Variants in KCNMA1 observed in about 807,000 individuals in gnomAD.
The protein encoded by KCNMA1 is potassium calcium-activated channel subfamily M alpha 1, also known as Calcium-activated potassium channel subunit alpha-1.
A neutral mutation model predicts 140.0 loss-of-function variants in KCNMA1; 29 were observed. The ratio of observed to expected loss-of-function variants is 0.21; its 90% CI spans 0.15 to 0.28. KCNMA1 has a LOEUF of 0.28. KCNMA1 is among the 10% of genes least tolerant of loss of function. The pLI, the probability that KCNMA1 is intolerant of heterozygous loss-of-function variation, is 1.00. For missense variants in KCNMA1, 880 were observed against 1,602.2 expected (o/e 0.55, Z 7.70); for synonymous variants, 612 against 611.9 (o/e 1.00, Z 0.00).
chr10:77,324,971 CTGTG>C (rs144907110), intron 2 of KCNMA1, among the ~76,000 whole-genome samples: 177 of 90,376 alleles, frequency 2.0e-3, no homozygotes, highest in South Asian at 5.3e-3. Context: ...CTCTCTCTCT[CTGTG>C]TGTGTGTGTG....
chr10:77,402,323 C>T (rs1475722858), intron 2 of KCNMA1, among the ~76,000 whole-genome samples: 1 of 152,220 alleles, frequency 6.6e-6, no homozygotes, highest in East Asian at 1.9e-4. Flanking sequence ...CCCCACTAGA[C>T]ACTGTCCCTC....
intron 14 of KCNMA1, among the ~76,000 whole-genome samples, chr10:77,059,951 A>C (rs773880408): frequency 3.9e-5 from 6 of 152,144 alleles, no homozygotes; most frequent in Non-Finnish European, 7.4e-5. Flanking sequence ...CAATTTTTTT[A>C]AGATGTCATT....
At chr10:77,119,968 G>A (rs968823643) in intron 6 of KCNMA1, among the ~76,000 whole-genome samples, 1 of 152,124 alleles carries the variant, frequency 6.6e-6, no homozygotes, top group African/African-American at 2.4e-5. Context: ...TGAATTTGTT[G>A]GCTGTGTCAG....
In KCNMA1 at chr10:77,172,450, A is replaced by G. The variant is rs187512739; in HGVS notation, c.808+10971T>C. ...GACAAAGCAATATCAAGGGAACACA[A>G]TTGGAAATCTCTTGGAGAGGAGTAA... is the stretch of plus-strand genomic sequence containing the variant. On this transcript the variant is annotated intron_variant, in intron 5 of 27. Coordinates refer to ENST00000286628, the MANE Select transcript of KCNMA1 (RefSeq NM_001161352.2). 2.5e-3 allele frequency among the ~76,000 whole-genome samples: 383 copies of G among 152,284 alleles called. 4 individuals are homozygous for G. Among genetic ancestry groups the G allele is most frequent in the African/African-American group, 9.0e-3 (374 of 41,576 alleles).
At chr10:76,884,849 A>G, downstream of KCNMA1, 3 of 1,281,346 alleles carry the variant, frequency 2.3e-6, no homozygotes, top group Non-Finnish European at 3.1e-6. Flanking sequence ...GAACAATATA[A>G]ATAAAAATAA....
At chr10:76,931,943 A>G (rs1396909872) in intron 23 of KCNMA1, among the ~76,000 whole-genome samples, 1 of 152,204 alleles carries the variant, frequency 6.6e-6, no homozygotes, top group African/African-American at 2.4e-5. Context: ...GATAATCCTA[A>G]CTTATGATTT....
intron 1 of KCNMA1, among the ~76,000 whole-genome samples, chr10:77,555,657 G>C (rs1219333439): frequency 6.6e-6 from 1 of 152,190 alleles, no homozygotes; most frequent in African/African-American, 2.4e-5. Context: ...CCACTCTGGG[G>C]TTAAGAATGA....
At chr10:77,265,306 T>C (rs1418714955) in intron 2 of KCNMA1, among the ~76,000 whole-genome samples, 4 of 152,092 alleles carry the variant, frequency 2.6e-5, no homozygotes, top group Non-Finnish European at 5.9e-5. Flanking sequence ...ACCGCCTTGG[T>C]CTCCCAAAGT....
chr10:77,409,173 G>A (rs1365891604), intron 1 of KCNMA1, among the ~76,000 whole-genome samples: 10 of 152,098 alleles, frequency 6.6e-5, no homozygotes. Flanking sequence ...TGTCACCTGG[G>A]GCCAAGGGCC....
chr10:77,177,496 T>C (rs971557624), intron 5 of KCNMA1, among the ~76,000 whole-genome samples: 7 of 151,216 alleles, frequency 4.6e-5, no homozygotes, highest in African/African-American at 1.7e-4. Context: ...CTTTCTTTCT[T>C]TTCTTTTCTT....
At chr10:76,978,923 T>C (rs11001957) in intron 19 of KCNMA1, among the ~76,000 whole-genome samples, 12,752 of 152,286 alleles carry the variant, frequency 0.084, 679 homozygotes, top group East Asian at 0.14. Flanking sequence ...TCCTGGATTT[T>C]TTAAATTTTG....
intron 1 of KCNMA1, among the ~76,000 whole-genome samples, chr10:77,550,022 A>G (rs775199851): frequency 9.2e-5 from 14 of 152,238 alleles, no homozygotes; most frequent in Non-Finnish European, 2.1e-4. Context: ...GAAGGGAGCA[A>G]GAATAAGTTG....
At chr10:76,973,013 A>G (rs1239874192) in intron 19 of KCNMA1, 1 of 152,238 alleles carries the variant, frequency 6.6e-6, no homozygotes, top group Non-Finnish European at 1.5e-5. Context: ...AGGAATAAAA[A>G]TGGAATTAAA....
At chr10:77,046,388 C>A (rs1454935360) in intron 14 of KCNMA1, among the ~76,000 whole-genome samples, 1 of 152,140 alleles carries the variant, frequency 6.6e-6, no homozygotes, top group Non-Finnish European at 1.5e-5. Flanking sequence ...CCCACACCCC[C>A]CAAGAAAACC....
At chr10:77,224,606 G>A (rs916814868) in intron 3 of KCNMA1, among the ~76,000 whole-genome samples, 4 of 152,084 alleles carry the variant, frequency 2.6e-5, no homozygotes, top group Admixed American at 6.5e-5. Context: ...AGCTCCTTCC[G>A]GCAGCTCTTC....
intron 2 of KCNMA1, among the ~76,000 whole-genome samples, chr10:77,364,009 G>A (rs970876394): frequency 2.0e-5 from 3 of 152,130 alleles, no homozygotes; most frequent in African/African-American, 7.2e-5. Context: ...CTCTCGACCA[G>A]TTTGCACAAT....
chr10:77,452,797 C>G (rs564713918), intron 1 of KCNMA1, among the ~76,000 whole-genome samples: 1 of 152,290 alleles, frequency 6.6e-6, no homozygotes, highest in Non-Finnish European at 1.5e-5. Context: ...AAAGAGGGAT[C>G]CTTTATCTTG....
At chr10:77,095,717 C>T (rs1057025850) in intron 9 of KCNMA1, among the ~76,000 whole-genome samples, 2 of 152,156 alleles carry the variant, frequency 1.3e-5, no homozygotes, top group East Asian at 3.8e-4. Flanking sequence ...AATGAAATCC[C>T]ACAAATTCTT....
At chr10:77,283,209 A>G (rs2069347060) in intron 2 of KCNMA1, among the ~76,000 whole-genome samples, 1 of 152,148 alleles carries the variant, frequency 6.6e-6, no homozygotes. Context: ...GTAAATGTCC[A>G]TTTTCTTTCT....
Sources: allele counts gnomAD v4.1 joint callset (sites outside exome capture counted in the v4.1 genomes callset), GRCh38; gene constraint gnomAD v4.1.1; transcripts MANE v1.5; gene names NCBI Gene and HGNC (gene_info 2026-07-23, HGNC 2026-07-21).